STPG2: variants seen among roughly 807,000 people sequenced by gnomAD.
STPG2 encodes sperm-tail PG-rich repeat-containing protein 2.
A neutral mutation model predicts 54.2 loss-of-function variants in STPG2; 56 were observed. That is an observed-to-expected ratio of 1.03 (90% CI 0.83 to 1.29). The LOEUF (loss-of-function observed/expected upper bound fraction) is 1.29. Among genes scored for constraint, STPG2 ranks in the 50% most tolerant of loss-of-function variants. The pLI, the probability that STPG2 is intolerant of heterozygous loss-of-function variation, is 0.00. For synonymous variants in STPG2, 200 were observed against 181.8 expected, an observed-to-expected ratio of 1.10 and a Z score of -0.81; for missense variants, 596 against 544.9, an observed-to-expected ratio of 1.09 and a Z score of -0.93.
chr4:97,495,109 G>A (rs1363873110), intron 4 of STPG2, among the ~76,000 whole-genome samples: 2 of 151,316 alleles, frequency 1.3e-5, no homozygotes, highest in Non-Finnish European at 3.0e-5. Context: ...ATTGAATATA[G>A]ATATATAATA....
intron 8 of STPG2, among the ~76,000 whole-genome samples, chr4:97,899,941 C>T (rs1731110625): frequency 6.7e-6 from 1 of 149,684 alleles, no homozygotes; most frequent in African/African-American, 2.4e-5. Flanking sequence ...ATACTGAAAG[C>T]AATCACAACA....
At chr4:97,873,027 T>C (rs1231815212) in intron 8 of STPG2, among the ~76,000 whole-genome samples, 2 of 151,414 alleles carry the variant, frequency 1.3e-5, no homozygotes, top group African/African-American at 4.8e-5. Flanking sequence ...TGTTCATTGC[T>C]ACTGGGACCC....
At chr4:97,735,373 T>A (rs551470980) in intron 9 of STPG2, among the ~76,000 whole-genome samples, 1 of 150,720 alleles carries the variant, frequency 6.6e-6, no homozygotes, top group Non-Finnish European at 1.5e-5. Flanking sequence ...TCAAATAGAG[T>A]GATACAATGT....
chr4:97,849,504 T>C (rs1233053639), intron 8 of STPG2, among the ~76,000 whole-genome samples: 1 of 151,270 alleles, frequency 6.6e-6, no homozygotes, highest in Non-Finnish European at 1.5e-5. Context: ...TGGGAGAAAA[T>C]TTTCGCAACC....
At chr4:97,680,358 G>C (rs377133929) in intron 10 of STPG2, among the ~76,000 whole-genome samples, 51 of 151,884 alleles carry the variant, frequency 3.4e-4, no homozygotes, top group East Asian at 2.3e-3. Flanking sequence ...TTGTAAGTTG[G>C]ATTCCTAGGT....
intron 9 of STPG2, among the ~76,000 whole-genome samples, chr4:97,831,817 C>T (rs552868294): frequency 6.6e-6 from 1 of 152,094 alleles, no homozygotes; most frequent in South Asian, 2.1e-4. Flanking sequence ...AAGTCTAAAC[C>T]AGGAAGAAGT....
chr4:98,035,628 T>A (rs1287034144), intron 5 of STPG2, among the ~76,000 whole-genome samples: 1 of 152,172 alleles, frequency 6.6e-6, no homozygotes, highest in Non-Finnish European at 1.5e-5. Flanking sequence ...ATCATTCTAC[T>A]ATAAAGACAC....
intron 6 of STPG2, among the ~76,000 whole-genome samples, chr4:97,974,462 G>C (rs929501473): frequency 6.6e-6 from 1 of 152,148 alleles, no homozygotes; most frequent in Non-Finnish European, 1.5e-5. Context: ...CGTGAGATTT[G>C]GGAGGGGCCC....
At chr4:97,614,799 A>G (rs7435691) in intron 10 of STPG2, among the ~76,000 whole-genome samples, 97,126 of 152,006 alleles carry the variant, frequency 0.64, 31,412 homozygotes, top group African/African-American at 0.73. Flanking sequence ...AGGGTCCAAC[A>G]GTTTTGATAC....
chr4:97,483,647 A>G (rs1730279615), intron 4 of STPG2, among the ~76,000 whole-genome samples: 1 of 151,830 alleles, frequency 6.6e-6, no homozygotes, highest in African/African-American at 2.4e-5. Flanking sequence ...TATTCCACTG[A>G]CAGCACTAGA....
chr4:97,564,940 T>C (rs1732383931), intron 10 of STPG2, among the ~76,000 whole-genome samples: 1 of 152,186 alleles, frequency 6.6e-6, no homozygotes, highest in African/African-American at 2.4e-5. Context: ...AGGAGTATCT[T>C]TGTGGCGTTC....
intron 10 of STPG2, among the ~76,000 whole-genome samples, chr4:97,703,665 T>C (rs895085723): frequency 8.7e-6 from 1 of 115,140 alleles, no homozygotes; most frequent in East Asian, 2.4e-4. Context: ...ATAAAACATA[T>C]ATAAAATATA....
chr4:97,534,242 T>A (rs1366625830), intron 4 of STPG2, among the ~76,000 whole-genome samples: 1 of 152,158 alleles, frequency 6.6e-6, no homozygotes, highest in Non-Finnish European at 1.5e-5. Flanking sequence ...TCATGAGGTA[T>A]CTGTTCAAAT....
intron 10 of STPG2, among the ~76,000 whole-genome samples, chr4:97,564,686 C>T (rs914005956): frequency 1.3e-5 from 2 of 152,146 alleles, no homozygotes; most frequent in African/African-American, 2.4e-5. Flanking sequence ...TTCTCCTTCA[C>T]TTATGAAGCT....
At chr4:97,944,668 A>G (rs1178783335) in intron 7 of STPG2, among the ~76,000 whole-genome samples, 1 of 152,084 alleles carries the variant, frequency 6.6e-6, no homozygotes, top group African/African-American at 2.4e-5. Flanking sequence ...TTTTTTACAC[A>G]TTTTACTGTT....
At chr4:98,021,065 T>C (rs149549147) in intron 5 of STPG2, among the ~76,000 whole-genome samples, 7,837 of 152,240 alleles carry the variant, frequency 0.051, 290 homozygotes, top group Non-Finnish European at 0.083. Context: ...TGCTAGCTTT[T>C]GAATGTGCTT....
At chr4:97,468,053 T>C (rs1729831631) in intron 4 of STPG2, among the ~76,000 whole-genome samples, 1 of 151,980 alleles carries the variant, frequency 6.6e-6, no homozygotes, top group Non-Finnish European at 1.5e-5. Context: ...AATCCAGTGA[T>C]TAAATTATAC....
intron 4 of STPG2, among the ~76,000 whole-genome samples, chr4:97,462,847 G>A (rs1396211303): frequency 1.3e-5 from 2 of 151,848 alleles, no homozygotes; most frequent in African/African-American, 4.8e-5. Flanking sequence ...CTTCCTTATT[G>A]TATGGACTGA....
At chr4:97,679,477 G>C (rs1013361974) in intron 10 of STPG2, among the ~76,000 whole-genome samples, 6 of 151,592 alleles carry the variant, frequency 4.0e-5, no homozygotes, top group African/African-American at 7.3e-5. Flanking sequence ...GGGGTTGTTT[G>C]TTTTTTTCTT....
Sources: allele counts gnomAD v4.1 joint callset (sites outside exome capture counted in the v4.1 genomes callset), GRCh38; gene constraint gnomAD v4.1.1; transcripts MANE v1.5; gene names NCBI Gene and HGNC (gene_info 2026-07-23, HGNC 2026-07-21).